BPTF: variants seen among roughly 807,000 people sequenced by gnomAD.
BPTF encodes the protein nucleosome-remodeling factor subunit BPTF.
In BPTF, 18 loss-of-function variants were observed where a neutral mutation model predicts 292.5. The observed-to-expected ratio is 0.06, with a 90% CI of 0.04 to 0.09. The LOEUF (loss-of-function observed/expected upper bound fraction) is 0.09. BPTF is among the 10% of genes least tolerant of loss of function. The pLI, the probability that BPTF is intolerant of heterozygous loss-of-function variation, is 1.00. For missense variants in BPTF, 2,726 were observed against 3,498.7 expected (o/e 0.78, Z 5.57); for synonymous variants, 1,225 against 1,251.9 (o/e 0.98, Z 0.45).
At position 67,924,606 on chromosome 17, in the gene BPTF, A is replaced by G; in HGVS notation, c.5751+17A>G. 1 of 1,611,106 alleles carries G rather than the reference A, an allele frequency of 6.2e-7. No individual in the cohort carries two copies. The highest frequency in any genetic ancestry group is 1.1e-5 in the South Asian group (1 of 90,292). ...CAGGCTAAGGTTAGTGAACAGAAGA[A>G]GGCAGAGGACATCAAGGCCCAAATG... is the stretch of plus-strand genomic sequence containing the variant. On this transcript the variant is annotated intron_variant, in intron 15 of 27. Coordinates refer to ENST00000306378, the MANE Select transcript of BPTF (RefSeq NM_182641.4).
chr17:67,899,820 C>T (rs1414809312), intron 7 of BPTF, among the ~76,000 whole-genome samples: 2 of 151,976 alleles, frequency 1.3e-5, no homozygotes, highest in East Asian at 1.9e-4. Context: ...TGAGCCACCG[C>T]GCCCGGCCTA....
chr17:67,827,816 G>A (rs1258288690), intron 1 of BPTF, among the ~76,000 whole-genome samples: 1 of 152,142 alleles, frequency 6.6e-6, no homozygotes, highest in Non-Finnish European at 1.5e-5. Context: ...ATCGTTGCCA[G>A]TCTTGTCCGG....
At chr17:67,847,373 G>T (rs1439336109) in intron 1 of BPTF, among the ~76,000 whole-genome samples, 1 of 152,056 alleles carries the variant, frequency 6.6e-6, no homozygotes, top group African/African-American at 2.4e-5. Context: ...AATTAGCCGG[G>T]CGTGGTGGCA....
At chr17:67,831,629 C>T (rs73351778) in intron 1 of BPTF, among the ~76,000 whole-genome samples, 3,223 of 152,178 alleles carry the variant, frequency 0.021, 121 homozygotes, top group African/African-American at 0.074. Context: ...CTGTGTCTTC[C>T]CTTTGACTAA....
At chr17:67,973,511 T>G (rs1348953157) in intron 26 of BPTF, among the ~76,000 whole-genome samples, 3 of 152,070 alleles carry the variant, frequency 2.0e-5, no homozygotes, top group African/African-American at 7.2e-5. Context: ...CTTTTTTTGT[T>G]TTTGTTTTTT....
intron 1 of BPTF, among the ~76,000 whole-genome samples, chr17:67,845,451 T>G (rs958965170): frequency 2.6e-5 from 4 of 152,160 alleles, no homozygotes; most frequent in Non-Finnish European, 5.9e-5. Context: ...TACTGAAGAG[T>G]GGCCTCGAGT....
chr17:67,876,476 C>T (rs2060057280), intron 4 of BPTF, among the ~76,000 whole-genome samples: 1 of 152,122 alleles, frequency 6.6e-6, no homozygotes, highest in Non-Finnish European at 1.5e-5. Flanking sequence ...GCAGTAAGTC[C>T]ACCTTACTTT....
intron 1 of BPTF, among the ~76,000 whole-genome samples, chr17:67,839,351 A>G (rs558253365): frequency 1.3e-5 from 2 of 151,872 alleles, no homozygotes; most frequent in African/African-American, 2.4e-5. Context: ...AAAATCAGCT[A>G]TGGCTATTGT....
intron 9 of BPTF, among the ~76,000 whole-genome samples, chr17:67,906,093 G>A (rs537460966): frequency 6.6e-6 from 1 of 151,564 alleles, no homozygotes; most frequent in South Asian, 2.1e-4. Flanking sequence ...GGTTGTTTTT[G>A]TTTTTTTGAA....
intron 25 of BPTF, chr17:67,965,302 C>G (rs1207535205): frequency 6.6e-6 from 1 of 151,468 alleles, no homozygotes; most frequent in Non-Finnish European, 1.5e-5. Flanking sequence ...AAGATCGAGC[C>G]ACGGCACTCT....
intron 26 of BPTF, among the ~76,000 whole-genome samples, chr17:67,970,592 A>G (rs114560383): frequency 0.018 from 2,711 of 152,304 alleles, 75 homozygotes; most frequent in African/African-American, 0.057. Context: ...AAATGTGTTT[A>G]GAAATGCATA....
intron 1 of BPTF, among the ~76,000 whole-genome samples, chr17:67,833,992 A>G (rs774171230): frequency 2.6e-5 from 4 of 151,946 alleles, no homozygotes; most frequent in African/African-American, 7.3e-5. Context: ...TCTTTTCCTT[A>G]TTCACTCCTT....
At chr17:67,872,252 A>G (rs1202077496) in intron 3 of BPTF, among the ~76,000 whole-genome samples, 2 of 152,246 alleles carry the variant, frequency 1.3e-5, no homozygotes, top group African/African-American at 4.8e-5. Context: ...ATCTTTATAG[A>G]AAGTCAGAGA....
intron 1 of BPTF, among the ~76,000 whole-genome samples, chr17:67,833,602 C>T (rs1364710143): frequency 6.7e-6 from 1 of 148,776 alleles, no homozygotes; most frequent in Non-Finnish European, 1.5e-5. Context: ...GACAGAGTCT[C>T]TTGTCGCCCA....
intron 4 of BPTF, 104 bp downstream of exon 4, chr17:67,875,124 A>C: frequency 1.0e-6 from 1 of 955,300 alleles, no homozygotes; most frequent in South Asian, 1.7e-5. Context: ...GCAGCTACCT[A>C]ATTTAATATT....
chr17:67,849,529 A>G (rs139007859), intron 1 of BPTF, among the ~76,000 whole-genome samples: 21 of 152,332 alleles, frequency 1.4e-4, no homozygotes, highest in African/African-American at 4.6e-4. Context: ...AATTTCATCT[A>G]ATGTGTATTA....
At chr17:67,935,596 A>G (rs969288406) in intron 18 of BPTF, among the ~76,000 whole-genome samples, 1 of 152,188 alleles carries the variant, frequency 6.6e-6, no homozygotes. Context: ...GTACAATAAA[A>G]ATAAAGTGAG....
At chr17:67,897,486 A>T (rs923303190) in intron 7 of BPTF, among the ~76,000 whole-genome samples, 1 of 152,094 alleles carries the variant, frequency 6.6e-6, no homozygotes, top group African/African-American at 2.4e-5. Flanking sequence ...ATCCACAAAG[A>T]AAGGGGTCCA....
rs1202834507 is a variant in BPTF, at chr17:67,983,895, C to T, written c.*1607C>T. The T allele has an allele frequency of 6.6e-6, 1 of 152,590 alleles. No homozygotes were observed. 9.5% of individuals were successfully genotyped at this position (152,590 alleles called of 1,614,324 possible). A position where few individuals can be genotyped will look rare whatever the true frequency, so the allele number is the denominator to read the frequency against. On this transcript the variant is annotated 3_prime_UTR_variant, in exon 28 of 28. Coordinates refer to ENST00000306378, the MANE Select transcript of BPTF (RefSeq NM_182641.4). The stretch of plus-strand genomic sequence containing the variant: ...GTTCCCGATTCTTTCTTATTACAGG[C>T]TCAGGTGTACAGGTTATTCTGGGTT...
Sources: gnomAD v4.1 joint callset for allele counts (sites outside exome capture counted in the v4.1 genomes callset) on GRCh38, gnomAD v4.1.1 for gene constraint, MANE v1.5 for transcripts, NCBI Gene and HGNC (gene_info 2026-07-23, HGNC 2026-07-21) for gene names.